Variants in GABBR1 observed in about 807,000 individuals in gnomAD.
GABBR1 encodes the protein gamma-aminobutyric acid type B receptor subunit 1, also known as GABA-B receptor, R1 subunit.
Under a neutral mutation model 117.7 loss-of-function variants are expected in GABBR1, and 35 were observed. The observed-to-expected ratio is 0.30, with a 90% confidence interval of 0.23 to 0.39. The LOEUF (loss-of-function observed/expected upper bound fraction) is 0.39, where lower values mean the gene tolerates loss of function less well. GABBR1 is among the 10% of genes least tolerant of loss of function. The pLI is 1.00. For missense variants in GABBR1, 709 were observed against 1,241.8 expected (o/e 0.57, Z 6.45); for synonymous variants, 442 against 486.6 (o/e 0.91, Z 1.21).
At position 29,627,184 on chromosome 6, in the gene GABBR1, C is replaced by T. The variant is rs1764357628; in HGVS notation, c.657+302G>A. 6.6e-6 allele frequency among the ~76,000 whole-genome samples: 1 copy of T among 152,134 alleles called. No homozygotes were observed. Among genetic ancestry groups the T allele is most frequent in the Non-Finnish European group, 1.5e-5 (1 of 68,032 alleles). ...TCAGAGGATCAGTGTCTCCTAATACCTTAAATCCACCACCAGTTTCTCCAA... is the reference window on the plus strand; with the variant it reads ...TCAGAGGATCAGTGTCTCCTAATACTTTAAATCCACCACCAGTTTCTCCAA... On this transcript the variant is annotated intron_variant, in intron 6 of 22. Coordinates refer to ENST00000377034, the MANE Select transcript of GABBR1 (RefSeq NM_001470.4). This position sits in a 1 kb window ranked among gnomAD's most constrained non-coding sequence, Gnocchi z 4.4.
At position 29,603,481 on chromosome 6, in the gene GABBR1, T is replaced by C; in HGVS notation, c.*62A>G. ...GGATGGGGACCCCCTGCTTCCTGAG[T>C]CCCCTGCCCTTCCCCTCTCCCTTTC... is the stretch of plus-strand genomic sequence containing the variant. On this transcript the variant is annotated 3_prime_UTR_variant, in exon 23 of 23. Transcript: ENST00000377034. 6.9e-7 allele frequency: 1 copy of C among 1,442,612 alleles called. No homozygotes were observed. The highest frequency in any genetic ancestry group is 9.5e-7 in the Non-Finnish European group (1 of 1,050,896). The allele number at this position is 1,442,612 out of a possible 1,614,324, so 89.4% of individuals were successfully genotyped here.
chr6:29,605,456 T>C lies in GABBR1; in HGVS notation c.2439+113A>G, dbSNP rs1453422086. 1 of 1,325,364 alleles carries C rather than the reference T, an allele frequency of 7.5e-7. No homozygotes were observed. The highest frequency in any genetic ancestry group is 1.5e-5 in the African/African-American group (1 of 68,050). The allele number at this position is 1,325,364 out of a possible 1,614,324, so 82.1% of individuals were successfully genotyped here. ...TATAGACCTGAAGAATTAACAAACTTTTTAAGACTTCTAAGCAACCGATCC... is the reference window on the plus strand; with the variant it reads ...TATAGACCTGAAGAATTAACAAACTCTTTAAGACTTCTAAGCAACCGATCC... On this transcript the variant is annotated intron_variant, in intron 20 of 22. Transcript: ENST00000377034. This position sits in a 1 kb window ranked among gnomAD's most constrained non-coding sequence, Gnocchi z 4.2.
Position 29,632,534 on chromosome 6 carries a change from C to A in GABBR1, c.1-149G>T, listed in dbSNP as rs191946156. 432 of 897,452 alleles carry A rather than the reference C, an allele frequency of 4.8e-4. 3 individuals are homozygous for A. In the South Asian group the frequency reaches 5.0e-3, roughly 10 times the overall value. The allele number at this position is 897,452 out of a possible 1,614,324, so 55.6% of individuals were successfully genotyped here. ...GAGCGCCCCGCGGAGGAGGCGGGGG[C>A]GGAGCCCCGCGCGGGGTGGGGGGAG... is the stretch of plus-strand genomic sequence containing the variant. On this transcript the variant is annotated intron_variant, in intron 1 of 22. Coordinates refer to ENST00000377034, the MANE Select transcript of GABBR1 (RefSeq NM_001470.4). The surrounding 1 kb of genome is among the most constrained non-coding windows in gnomAD (Gnocchi z 5.8).
chr6:29,621,676 T>C lies in GABBR1; in HGVS notation c.1131+76A>G. 2 of 1,271,140 alleles carry C rather than the reference T, an allele frequency of 1.6e-6. No individual in the cohort carries two copies. Among genetic ancestry groups the C allele is most frequent in the Non-Finnish European group, 2.3e-6 (2 of 868,506 alleles). The allele number at this position is 1,271,140 out of a possible 1,614,324, so 78.7% of individuals were successfully genotyped here. ...CATATGCTATCAACTCAGGCACAGA[T>C]GCCAAGAGGAGGCCCCACAAGAAAA... On this transcript the variant is annotated intron_variant, in intron 10 of 22. Coordinates refer to ENST00000377034, the MANE Select transcript of GABBR1 (RefSeq NM_001470.4). This position sits in a 1 kb window ranked among gnomAD's most constrained non-coding sequence, Gnocchi z 5.0.
In GABBR1 at chr6:29,625,618, T is replaced by A. The variant is rs768917968; in HGVS notation, c.658-1594A>T. On this transcript the variant is annotated intron_variant, in intron 6 of 22. Coordinates refer to ENST00000377034, the MANE Select transcript of GABBR1 (RefSeq NM_001470.4). ...CAGGCAGGAAACCGACTCATTCCAA[T>A]TGACACATTCTGGTTCTTCTGCCTT... 1.1e-3 allele frequency among the ~76,000 whole-genome samples: 160 copies of A among 152,176 alleles called. 3 individuals are homozygous for A. The highest frequency in any genetic ancestry group is 1.1e-3 in the Admixed American group (17 of 15,284).
chr6:29,613,467 C>G lies in GABBR1; in HGVS notation c.1342G>C (p.Glu448Gln). 1 of 1,612,768 alleles carries G rather than the reference C, an allele frequency of 6.2e-7. No homozygotes were observed. Among genetic ancestry groups the G allele is most frequent in the Non-Finnish European group, 8.5e-7 (1 of 1,179,802 alleles). The change falls in exon 12 of 23, where the codon GAG (glutamate) becomes CAG (glutamine). Residue 448 changes from glutamate (E) to glutamine (Q), a missense_variant. By Grantham distance (29) the Glu-to-Gln change is conservative. This residue lies in a region of GABBR1 where 192 missense variants were observed against 418.4 expected (regional missense o/e 0.46). Transcript: ENST00000377034. The surrounding 1 kb of genome is among the most constrained non-coding windows in gnomAD (Gnocchi z 4.1). Reference protein sequence around the residue: ...ISNMTSQEFVEKLTKRLKRHP... With the variant: ...ISNMTSQEFVQKLTKRLKRHP... Reference sequence around the variant, plus strand: ...CTTTTCAGTCGCTTGGTTAGTTTCTCCACAAATTCCTGGGATGTCTTGGGA... The same window carrying G: ...CTTTTCAGTCGCTTGGTTAGTTTCTGCACAAATTCCTGGGATGTCTTGGGA...
chr6:29,603,661 C>T lies in GABBR1; in HGVS notation c.2768G>A (p.Arg923His), dbSNP rs761586998. ...GGGTGTCGGTGGGTGGCGCCGGGAG[C>T]GGAGCTGCTGCCGAGACTGGAGTTG... is the stretch of plus-strand genomic sequence containing the variant. ...RHQLQSRQQL[R>H]SRRHPPTPPE... is the part of the protein sequence containing the mutation. The change falls in exon 23 of 23, where the codon CGC (arginine) becomes CAC (histidine). Residue 923 changes from arginine to histidine, a missense_variant. Arg to His is a conservative substitution (Grantham distance 29). This residue lies in a region of GABBR1 where 69 missense variants were observed against 64.3 expected (regional missense o/e 1.07). Coordinates refer to ENST00000377034, the MANE Select transcript of GABBR1 (RefSeq NM_001470.4). The T allele has an allele frequency of 4.6e-6, 7 of 1,514,072 alleles. No homozygotes were observed. The highest frequency in any genetic ancestry group is 4.2e-5 in the African/African-American group (3 of 71,472). The allele number at this position is 1,514,072 out of a possible 1,614,324, so 93.8% of individuals were successfully genotyped here. A position where few individuals can be genotyped will look rare whatever the true frequency, so the allele number is the denominator to read the frequency against.
Position 29,609,273 on chromosome 6 carries a change from T to A in GABBR1, c.1815A>T (p.Leu605=). 4 of 1,612,908 alleles carry A rather than the reference T, an allele frequency of 2.5e-6. No homozygotes were observed. The highest frequency in any genetic ancestry group is 3.4e-6 in the Non-Finnish European group (4 of 1,179,924). The part of the protein sequence containing the change: ...VSVLSSLGIV[L]AVVCLSFNIY... The stretch of plus-strand genomic sequence containing the variant: ...TGTTAAAGGACAGACAGACAACAGC[T>A]AGGACAATGCCCAGGCTGGAGAGAA... Residue 605 remains leucine (L), a synonymous_variant, in exon 15 of 23, where the codon CTA becomes CTT. Coordinates refer to ENST00000377034, the MANE Select transcript of GABBR1 (RefSeq NM_001470.4). The surrounding 1 kb of genome is among the most constrained non-coding windows in gnomAD (Gnocchi z 4.3).
Position 29,620,147 on chromosome 6 carries a change from A to T in GABBR1, c.1323+954T>A, listed in dbSNP as rs765198831. On this transcript the variant is annotated intron_variant, in intron 11 of 22. Coordinates refer to ENST00000377034, the MANE Select transcript of GABBR1 (RefSeq NM_001470.4). The surrounding 1 kb of genome is among the most constrained non-coding windows in gnomAD (Gnocchi z 4.5). ...AGCTGGACTGCTGAGTAGCTGCATGACCTGAGACAAGTCATTAAACCACTC... is the reference window on the plus strand; with the variant it reads ...AGCTGGACTGCTGAGTAGCTGCATGTCCTGAGACAAGTCATTAAACCACTC... Among the ~76,000 whole-genome samples the T allele has an allele frequency of 4.6e-5, 7 of 152,198 alleles. No individual in the cohort carries two copies. The highest frequency in any genetic ancestry group is 5.9e-5 in the Non-Finnish European group (4 of 68,030).
At chr6:29,629,306 C>T (rs1764719696) in intron 4 of GABBR1, 199 bp from the exon 5 acceptor site, 1 of 700,826 alleles carries the variant, frequency 1.4e-6, no homozygotes. Context: ...TTTTCTTCTT[C>T]GATTTTTCAT....
In GABBR1 at chr6:29,631,889, T is replaced by C. The variant is rs1206311488; in HGVS notation, c.86-290A>G. Among the ~76,000 whole-genome samples the C allele has an allele frequency of 6.7e-6, 1 of 149,880 alleles. No individual in the cohort carries two copies. The highest frequency in any genetic ancestry group is 1.5e-5 in the Non-Finnish European group (1 of 67,568). The stretch of plus-strand genomic sequence containing the variant: ...AGTAATTAAGAAATCATGAAGGGTA[T>C]GATATGTGGGTGGAGCTTTTCTTTA... On this transcript the variant is annotated intron_variant, in intron 2 of 22. Transcript: ENST00000377034. The surrounding 1 kb of genome is among the most constrained non-coding windows in gnomAD (Gnocchi z 5.9).
At chr6:29,610,369 C>A (rs1218329411) in intron 14 of GABBR1, among the ~76,000 whole-genome samples, 3 of 152,138 alleles carry the variant, frequency 2.0e-5, no homozygotes, top group Non-Finnish European at 4.4e-5. Flanking sequence ...ACACTAAACG[C>A]CCGGACTTCA....
Position 29,604,962 on chromosome 6 carries a change from G to A in GABBR1, c.2466C>T (p.Val822=). The A allele has an allele frequency of 2.5e-6, 4 of 1,612,812 alleles. No individual in the cohort carries two copies. The highest frequency in any genetic ancestry group is 3.4e-6 in the Non-Finnish European group (4 of 1,179,848). ...VAVLCLITAP[V]TMILSSQQDA... ...CCTGCTGGCTGGACAGAATCATGGT[G>A]ACAGGAGCAGTGATGAGGCACAGGA... is the stretch of plus-strand genomic sequence containing the variant. Residue 822 remains valine (V), a synonymous_variant, in exon 21 of 23, where the codon GTC becomes GTT. Transcript: ENST00000377034. The surrounding 1 kb of genome is among the most constrained non-coding windows in gnomAD (Gnocchi z 5.3).
Position 29,606,764 on chromosome 6 carries a change from G to T in GABBR1, c.2217+133C>A. On this transcript the variant is annotated intron_variant, in intron 18 of 22. Transcript: ENST00000377034. The surrounding 1 kb of genome is among the most constrained non-coding windows in gnomAD (Gnocchi z 4.5). ...GAGGGGCTCCTTCTAGGAAGGAAAGGAAGAGCTTCCAATACGAGGAAGGCA... is the reference window on the plus strand; with the variant it reads ...GAGGGGCTCCTTCTAGGAAGGAAAGTAAGAGCTTCCAATACGAGGAAGGCA... The T allele has an allele frequency of 2.7e-6, 2 of 734,942 alleles. No individual in the cohort carries two copies. The highest frequency in any genetic ancestry group is 4.5e-6 in the Non-Finnish European group (2 of 442,970). 45.5% of individuals were successfully genotyped at this position (734,942 alleles called of 1,614,324 possible).
intron 14 of GABBR1, among the ~76,000 whole-genome samples, chr6:29,610,602 A>C (rs1364153605): frequency 6.6e-6 from 1 of 152,118 alleles, no homozygotes; most frequent in African/African-American, 2.4e-5. Context: ...AAATATATCA[A>C]GACACCAGGA....
Position 29,632,332 on chromosome 6 carries a change from G to T in GABBR1, c.54C>A (p.Gly18=), listed in dbSNP as rs76697750. Residue 18 remains glycine (G), a synonymous_variant, in exon 2 of 23, where the codon GGC becomes GGA. Transcript: ENST00000377034. This position sits in a 1 kb window ranked among gnomAD's most constrained non-coding sequence, Gnocchi z 5.8. ...AGGTGGCGTTGGGGGTCTGCGCCCCGCCCGCGCCCGGGGGGCGGAGGAAGA... is the reference window on the plus strand; with the variant it reads ...AGGTGGCGTTGGGGGTCTGCGCCCCTCCCGCGCCCGGGGGGCGGAGGAAGA... The part of the protein sequence containing the change: ...APLFLRPPGA[G]GAQTPNATSE... 2.3e-5 allele frequency: 31 copies of T among 1,369,080 alleles called. 1 individual carries two copies. In the East Asian group the frequency reaches 7.1e-4, roughly 31 times the overall value. 84.8% of individuals were successfully genotyped at this position (1,369,080 alleles called of 1,614,324 possible).
rs775896752 is a variant in GABBR1, at chr6:29,623,355, C to G, written c.913G>C (p.Gly305Arg). The stretch of plus-strand genomic sequence containing the variant: ...TGGATGGTAGCAATCTTCTTCCAGC[C>G]CCACTTTTCAAAGAGTTTCACGCGG... ...PTRVKLFEKW[G>R]WKKIATIQQT... The change falls in exon 8 of 23, where the codon GGC becomes CGC. Residue 305 changes from glycine to arginine, a missense_variant. Physicochemically the swap from Gly to Arg is moderately radical, Grantham distance 125. This residue lies in a region of GABBR1 where 192 missense variants were observed against 418.4 expected (regional missense o/e 0.46). Transcript: ENST00000377034. This position sits in a 1 kb window ranked among gnomAD's most constrained non-coding sequence, Gnocchi z 6.2. 15 of 1,614,126 alleles carry G rather than the reference C, an allele frequency of 9.3e-6. 1 individual carries two copies. The South Asian group carries it at 1.6e-4, about 18-fold the overall frequency.
At position 29,632,341 on chromosome 6, in the gene GABBR1, C is replaced by T. The variant is rs759358496; in HGVS notation, c.45G>A (p.Pro15=). 2.6e-5 allele frequency: 36 copies of T among 1,364,400 alleles called. No individual in the cohort carries two copies. Among genetic ancestry groups the T allele is most frequent in the Non-Finnish European group, 1.9e-5 (20 of 1,054,594 alleles). The allele number at this position is 1,364,400 out of a possible 1,614,324, so 84.5% of individuals were successfully genotyped here. ...LLLAPLFLRP[P]GAGGAQTPNA... Reference sequence around the variant, plus strand: ...TGGGGGTCTGCGCCCCGCCCGCGCCCGGGGGGCGGAGGAAGAGTGGCGCCA... The same window carrying T: ...TGGGGGTCTGCGCCCCGCCCGCGCCTGGGGGGCGGAGGAAGAGTGGCGCCA... The change falls in exon 2 of 23, where the codon CCG becomes CCA. Residue 15 remains proline, a synonymous_variant. Transcript: ENST00000377034. The surrounding 1 kb of genome is among the most constrained non-coding windows in gnomAD (Gnocchi z 5.8).
In GABBR1 at chr6:29,603,402, G is replaced by T. The variant is rs1410320417; in HGVS notation, c.*141C>A. 1.3e-6 allele frequency: 1 copy of T among 778,162 alleles called. No homozygotes were observed. Among genetic ancestry groups the T allele is most frequent in the Admixed American group, 2.0e-5 (1 of 50,084 alleles). The allele number at this position is 778,162 out of a possible 1,614,324, so 48.2% of individuals were successfully genotyped here. ...GACCCAAATCAGCCCAGAACTCACAGGGGGACATGTATTTACAAGAGATGA... is the reference window on the plus strand; with the variant it reads ...GACCCAAATCAGCCCAGAACTCACATGGGGACATGTATTTACAAGAGATGA... On this transcript the variant is annotated 3_prime_UTR_variant, in exon 23 of 23. Coordinates refer to ENST00000377034, the MANE Select transcript of GABBR1 (RefSeq NM_001470.4).
Sources: gnomAD v4.1 joint callset for allele counts (sites outside exome capture counted in the v4.1 genomes callset) on GRCh38, gnomAD v4.1.1 for gene constraint, gnomAD v4.1.1 regional missense constraint, Gnocchi (gnomAD v3.1) non-coding constraint, MANE v1.5 for transcripts, NCBI Gene and HGNC (gene_info 2026-07-23, HGNC 2026-07-21) for gene names.